The following VASH1 variants were observed in gnomAD, a reference collection of about 807,000 sequenced individuals.
The protein encoded by VASH1 is vasohibin 1.
Under a neutral mutation model 35.0 loss-of-function variants are expected in VASH1, and 16 were observed. The ratio of observed to expected loss-of-function variants is 0.46; its 90% CI spans 0.31 to 0.70. The LOEUF is 0.70. VASH1 is among the 30% of genes least tolerant of loss of function. The pLI, the probability that VASH1 is intolerant of heterozygous loss-of-function variation, is 0.05. For missense variants in VASH1, 505 were observed against 510.7 expected (o/e 0.99, Z 0.11); for synonymous variants, 214 against 200.9 (o/e 1.07, Z -0.55).
At chr14:76,769,220 G>T (rs1307706169) in intron 1 of VASH1, 2 of 1,214,212 alleles carry the variant, frequency 1.6e-6, no homozygotes, top group Admixed American at 5.4e-5. Context: ...GCCATTTCTG[G>T]GCTGGGTGCT....
Position 76,761,899 on chromosome 14 carries a change from C to T in VASH1, c.-923C>T, listed in dbSNP as rs1893513608. 6.6e-6 allele frequency among the ~76,000 whole-genome samples: 1 copy of T among 151,692 alleles called. No homozygotes were observed. Among genetic ancestry groups the T allele is most frequent in the South Asian group, 2.1e-4 (1 of 4,830 alleles). ...CTCAGTGACCTCAGCCTGGCCCCTG[C>T]GCGCCGCCCGAGCCGGTCCCGCTGA... On this transcript the variant is annotated 5_prime_UTR_variant, in exon 1 of 7. Coordinates refer to ENST00000167106, the MANE Select transcript of VASH1 (RefSeq NM_014909.5).
intron 2 of VASH1, 46 bp downstream of exon 2, chr14:76,770,097 G>T (rs1174029198): frequency 1.9e-6 from 3 of 1,571,038 alleles, no homozygotes; most frequent in East Asian, 2.3e-5. Context: ...GGCCGGTGTG[G>T]TGGGCCTTGT....
chr14:76,777,975 G>A lies in VASH1; in HGVS notation c.929G>A (p.Gly310Asp). 6.5e-7 allele frequency: 1 copy of A among 1,534,578 alleles called. No individual in the cohort carries two copies. The highest frequency in any genetic ancestry group is 8.8e-7 in the Non-Finnish European group (1 of 1,141,160). The part of the protein sequence containing the change: ...DMRLKIGKGT[G>D]PPSPTKDRKK... ...TGCACCTAGATTGGCAAAGGGACGG[G>A]CCCTCCCTCTCCCACCAAGGACCGG... Residue 310 changes from glycine to aspartate, a missense_variant, in exon 6 of 7, where the codon GGC (glycine) becomes GAC (aspartate). Gly to Asp is a moderately conservative substitution (Grantham distance 94). Coordinates refer to ENST00000167106, the MANE Select transcript of VASH1 (RefSeq NM_014909.5).
chr14:76,763,212 C>A, intron 1 of VASH1, 82 bp downstream of exon 1: 1 of 1,299,184 alleles, frequency 7.7e-7, no homozygotes, highest in Non-Finnish European at 9.9e-7. Flanking sequence ...ACACTCTCCT[C>A]CCACGGGGCA....
intron 4 of VASH1, 187 bp downstream of exon 4, chr14:76,773,398 G>T: frequency 1.7e-6 from 1 of 603,830 alleles, no homozygotes; most frequent in Non-Finnish European, 2.9e-6. Context: ...GGAGCCCCGA[G>T]GTCCCAGTAC....
At chr14:76,768,508 GCGTCTCCAC>G in intron 1 of VASH1, among the ~76,000 whole-genome samples, 1 of 152,162 alleles carries the variant, frequency 6.6e-6, no homozygotes, top group East Asian at 1.9e-4. Context: ...CTTCCCTCCT[GCGTCTCCAC>G]CCCTTAGAGG....
intron 6 of VASH1, 71 bp downstream of exon 6, chr14:76,778,142 T>A: frequency 4.9e-6 from 2 of 407,440 alleles, no homozygotes; most frequent in Non-Finnish European, 3.5e-6. Context: ...TGTGGGTCCC[T>A]TTTTTTTTTT....
intron 1 of VASH1, among the ~76,000 whole-genome samples, chr14:76,767,787 G>GAGCT (rs1472843675): frequency 2.0e-5 from 3 of 152,208 alleles, no homozygotes; most frequent in Non-Finnish European, 4.4e-5. Flanking sequence ...ATGAGTCAAG[G>GAGCT]AGCTAGCCTC....
rs1024024644 is a variant in VASH1, at chr14:76,764,987, C to G, written c.309+1857C>G. ...GATTACAGGCGTGAACCACCACGCC[C>G]GGCCAGACATCCATCACCTTTACTT... On this transcript the variant is annotated intron_variant, in intron 1 of 6. Transcript: ENST00000167106. Among the ~76,000 whole-genome samples, 3 of 152,120 alleles carry G rather than the reference C, an allele frequency of 2.0e-5. No individual in the cohort carries two copies. In the South Asian group the frequency reaches 6.2e-4, roughly 32 times the overall value.
At chr14:76,770,732 G>A (rs1400751148) in intron 2 of VASH1, among the ~76,000 whole-genome samples, 10 of 152,154 alleles carry the variant, frequency 6.6e-5, no homozygotes, top group Admixed American at 1.3e-4. Context: ...GTCCTGGGTC[G>A]GGAGAAGCCA....
chr14:76,776,856 T>C lies in VASH1; in HGVS notation c.912+583T>C, dbSNP rs555154963. On this transcript the variant is annotated intron_variant, in intron 5 of 6. Transcript: ENST00000167106. ...TCCTGGGGCTGCCAGGGCCCCCTGC[T>C]GGGTATCTCCATAGCTCAGTCACTG... is the stretch of plus-strand genomic sequence containing the variant. 2.6e-5 allele frequency among the ~76,000 whole-genome samples: 4 copies of C among 152,266 alleles called. No individual in the cohort carries two copies. In the East Asian group the frequency reaches 7.7e-4, roughly 29 times the overall value.
chr14:76,777,437 C>G (rs1460142836), intron 5 of VASH1, among the ~76,000 whole-genome samples: 3 of 152,242 alleles, frequency 2.0e-5, no homozygotes, highest in Non-Finnish European at 2.9e-5. Context: ...GCTAAACACT[C>G]ACCTGTGTTA....
At chr14:76,777,585 A>C (rs1893979348) in intron 5 of VASH1, among the ~76,000 whole-genome samples, 1 of 152,186 alleles carries the variant, frequency 6.6e-6, no homozygotes, top group Admixed American at 6.5e-5. Flanking sequence ...CAATGGCTGG[A>C]GATACCCAGC....
In VASH1 at chr14:76,771,180, G is replaced by A. The variant is rs745517633; in HGVS notation, c.399-10G>A. 15 of 1,585,610 alleles carry A rather than the reference G, an allele frequency of 9.5e-6. No homozygotes were observed. In the East Asian group the frequency reaches 1.2e-4, roughly 12 times the overall value. On this transcript the variant is annotated splice_polypyrimidine_tract_variant and intron_variant, in intron 2 of 6. Transcript: ENST00000167106. The stretch of plus-strand genomic sequence containing the variant: ...GGCCAAGCTAGGAAGCCCTTAACCC[G>A]TGCCCACAGGTACAATCACACAGGG...
intron 6 of VASH1, 145 bp from the exon 7 acceptor site, chr14:76,778,801 A>G: frequency 1.3e-6 from 1 of 787,276 alleles, no homozygotes; most frequent in East Asian, 2.5e-5. Context: ...CCAAAAACAC[A>G]CTTCCATACG....
Position 76,762,430 on chromosome 14 carries a change from TC to T in VASH1, c.-391del, listed in dbSNP as rs1159306856. The T allele has an allele frequency of 6.1e-6, 1 of 163,430 alleles. No homozygotes were observed. The highest frequency in any genetic ancestry group is 1.3e-5 in the Non-Finnish European group (1 of 75,990). The allele number at this position is 163,430 out of a possible 1,614,324, so 10.1% of individuals were successfully genotyped here. ...GCACCCGTGCCTTGACTCTGTCCTT[TC>T]TGCAGCCGCTGGTCCGAGCTGTCTG... is the stretch of plus-strand genomic sequence containing the variant. On this transcript the variant is annotated 5_prime_UTR_variant, in exon 1 of 7. Coordinates refer to ENST00000167106, the MANE Select transcript of VASH1 (RefSeq NM_014909.5).
In VASH1 at chr14:76,773,129, T is replaced by G. The variant is rs774495445; in HGVS notation, c.456-8T>G. On this transcript the variant is annotated splice_polypyrimidine_tract_variant and splice_region_variant and intron_variant, in intron 3 of 6. Transcript: ENST00000167106. ...CTGTCCTTACTGACCTGCCTCCCTTTCCCACAGGCTGATGGACCTGGCCAA... is the reference window on the plus strand; with the variant it reads ...CTGTCCTTACTGACCTGCCTCCCTTGCCCACAGGCTGATGGACCTGGCCAA... 6.2e-7 allele frequency: 1 copy of G among 1,613,712 alleles called. No homozygotes were observed. Among genetic ancestry groups the G allele is most frequent in the Non-Finnish European group, 8.5e-7 (1 of 1,179,770 alleles).
In VASH1 at chr14:76,776,018, C is replaced by G. The variant is rs1328140804; in HGVS notation, c.657C>G (p.Gly219=). ...TCGCGGGCCGCTACGGTGCGCTGGGCATGAGTCGGCGCGAGGACCTGATGT... is the reference window on the plus strand; with the variant it reads ...TCGCGGGCCGCTACGGTGCGCTGGGGATGAGTCGGCGCGAGGACCTGATGT... ...VNFAGRYGAL[G]MSRREDLMYK... Residue 219 remains glycine (G), a synonymous_variant, in exon 5 of 7, where the codon GGC becomes GGG. Transcript: ENST00000167106. 6.2e-7 allele frequency: 1 copy of G among 1,612,816 alleles called. No individual in the cohort carries two copies. Among genetic ancestry groups the G allele is most frequent in the Admixed American group, 1.7e-5 (1 of 59,976 alleles).
rs1341302378 is a variant in VASH1, at chr14:76,776,073, G to A, written c.712G>A (p.Glu238Lys). 2 of 1,609,396 alleles carry A rather than the reference G, an allele frequency of 1.2e-6. No individual in the cohort carries two copies. Among genetic ancestry groups the A allele is most frequent in the East Asian group, 2.2e-5 (1 of 44,824 alleles). ...YKPPAFRTLSELVLDFEAAYG... is the reference protein window; with the variant it reads ...YKPPAFRTLSKLVLDFEAAYG... ...GCCGCCCGCCTTCCGCACGCTCAGC[G>A]AGCTCGTGCTGGACTTCGAGGCCGC... The change falls in exon 5 of 7, where the codon GAG becomes AAG. Residue 238 changes from glutamate (E) to lysine (K), a missense_variant. Coordinates refer to ENST00000167106, the MANE Select transcript of VASH1 (RefSeq NM_014909.5).
Sources: gnomAD v4.1 joint callset for allele counts (sites outside exome capture counted in the v4.1 genomes callset) on GRCh38, gnomAD v4.1.1 for gene constraint, MANE v1.5 for transcripts, NCBI Gene and HGNC (gene_info 2026-07-23, HGNC 2026-07-21) for gene names.